Variants in HEG1 observed in about 807,000 individuals in gnomAD.
HEG1 encodes heart development protein with EGF like domains 1.
In HEG1, 56 loss-of-function variants were observed where a neutral mutation model predicts 125.6. The ratio of observed to expected loss-of-function variants is 0.45; its 90% CI spans 0.36 to 0.56. The LOEUF is 0.56. HEG1 is among the 20% of genes least tolerant of loss of function. HEG1 has a pLI of 0.00. For missense variants in HEG1, 1,523 were observed against 1,670.0 expected (o/e 0.91, Z 1.53); for synonymous variants, 644 against 668.5 (o/e 0.96, Z 0.57).
At chr3:124,992,091 T>C (rs1348244433) in intron 12 of HEG1, among the ~76,000 whole-genome samples, 1 of 152,182 alleles carries the variant, frequency 6.6e-6, no homozygotes, top group Non-Finnish European at 1.5e-5. Context: ...GGGGGAGCTG[T>C]AGGTGACATC....
At position 125,013,852 on chromosome 3, in the gene HEG1, G is replaced by A. The variant is rs772407724; in HGVS notation, c.1727C>T (p.Ser576Leu). Residue 576 changes from serine to leucine, a missense_variant, in exon 6 of 17, where the codon TCA becomes TTA. Physicochemically the swap from Ser to Leu is moderately radical, Grantham distance 145. Coordinates refer to ENST00000311127, the MANE Select transcript of HEG1 (RefSeq NM_020733.2). ...RALLSITDNS[S>L]SSDIVESSTS... ...TGAGCTCTCCACAATGTCTGAGGAT[G>A]AACTGTTATCTGTAATGGACAGTAA... 1.9e-6 allele frequency: 3 copies of A among 1,613,778 alleles called. No individual in the cohort carries two copies. In the East Asian group the frequency reaches 6.7e-5, roughly 36 times the overall value.
At chr3:125,040,290 T>G (rs1355621590) in intron 1 of HEG1, among the ~76,000 whole-genome samples, 1 of 151,890 alleles carries the variant, frequency 6.6e-6, no homozygotes, top group Admixed American at 6.6e-5. Context: ...CGGGAAAACT[T>G]GAATGTAGAG....
chr3:125,023,238 C>CAACCA (rs1937362473), intron 3 of HEG1, among the ~76,000 whole-genome samples: 1 of 151,588 alleles, frequency 6.6e-6, no homozygotes, highest in Admixed American at 6.6e-5. Flanking sequence ...ACAAACAAAC[C>CAACCA]AAAAAAACTC....
At chr3:125,054,198 T>G (rs1169602489) in intron 1 of HEG1, among the ~76,000 whole-genome samples, 2 of 152,246 alleles carry the variant, frequency 1.3e-5, no homozygotes, top group African/African-American at 4.8e-5. Flanking sequence ...CCGTGGAAGT[T>G]AGCAAAACAG....
intron 9 of HEG1, among the ~76,000 whole-genome samples, chr3:125,003,899 G>A (rs149132708): frequency 7.0e-4 from 107 of 152,322 alleles, no homozygotes; most frequent in African/African-American, 2.5e-3. Context: ...GTAATAAACC[G>A]TAGCTGTTAA....
chr3:124,984,929 C>CTA (rs1936714389), intron 14 of HEG1, among the ~76,000 whole-genome samples: 1 of 152,092 alleles, frequency 6.6e-6, no homozygotes. Flanking sequence ...TTTCACAGGA[C>CTA]TATCAAACGT....
chr3:125,012,689 T>G lies in HEG1; in HGVS notation c.2890A>C (p.Lys964Gln). ...VVSTAEDLAP[K>Q]SATFAVQSST... ...CTCTGAACAGCAAAGGTGGCAGATT[T>G]GGGAGCCAAGTCTTCAGCCGTGGAA... Residue 964 changes from lysine to glutamine, a missense_variant, in exon 6 of 17, where the codon AAA (lysine) becomes CAA (glutamine). Lys to Gln is a moderately conservative substitution (Grantham distance 53). Transcript: ENST00000311127. 1 of 1,613,898 alleles carries G rather than the reference T, an allele frequency of 6.2e-7. No individual in the cohort carries two copies. The highest frequency in any genetic ancestry group is 8.5e-7 in the Non-Finnish European group (1 of 1,179,868).
Position 125,042,223 on chromosome 3 carries a change from T to A in HEG1, c.317-12735A>T, listed in dbSNP as rs890059058. Among the ~76,000 whole-genome samples the A allele has an allele frequency of 7.2e-5, 11 of 151,938 alleles. No individual in the cohort carries two copies. In the South Asian group the frequency reaches 2.3e-3, roughly 32 times the overall value. On this transcript the variant is annotated intron_variant, in intron 1 of 16. Coordinates refer to ENST00000311127, the MANE Select transcript of HEG1 (RefSeq NM_020733.2). The stretch of plus-strand genomic sequence containing the variant: ...CGGGTGGATCACTTGAGGTTAGGAG[T>A]TCGAGACCAGCCTGGCCAACATGGC...
chr3:125,009,633 A>C, intron 8 of HEG1, 72 bp downstream of exon 8: 1 of 1,459,504 alleles, frequency 6.9e-7, no homozygotes, highest in South Asian at 1.4e-5. Flanking sequence ...GTTAGCAAGA[A>C]AAATAACAAA....
At chr3:125,015,150 G>T in intron 5 of HEG1, 1 of 470,160 alleles carries the variant, frequency 2.1e-6, no homozygotes, top group Non-Finnish European at 3.3e-6. Flanking sequence ...GATGTCTGTT[G>T]CCCTTGCAAA....
At chr3:125,008,863 A>G (rs1156465963) in intron 8 of HEG1, among the ~76,000 whole-genome samples, 1 of 152,252 alleles carries the variant, frequency 6.6e-6, no homozygotes, top group Non-Finnish European at 1.5e-5. Flanking sequence ...AACTTCTTCA[A>G]CAAGTTATGT....
chr3:124,985,093 C>T (rs1936716898), intron 14 of HEG1, among the ~76,000 whole-genome samples: 2 of 152,328 alleles, frequency 1.3e-5, no homozygotes, highest in Admixed American at 6.5e-5. Flanking sequence ...GTTTCTCTAA[C>T]TTTAATATGC....
chr3:125,010,944 G>A (rs868565945), intron 6 of HEG1, among the ~76,000 whole-genome samples: 3 of 152,178 alleles, frequency 2.0e-5, no homozygotes, highest in East Asian at 3.8e-4. Flanking sequence ...TCATTCCCCC[G>A]CTAGAAGATT....
intron 1 of HEG1, among the ~76,000 whole-genome samples, chr3:125,032,892 C>T (rs2107708857): frequency 6.6e-6 from 1 of 152,250 alleles, no homozygotes; most frequent in East Asian, 1.9e-4. Flanking sequence ...GCTTTGTTCC[C>T]TTCCTCTCCA....
intron 6 of HEG1, 23 bp downstream of exon 6, chr3:125,012,600 G>A: frequency 6.2e-7 from 1 of 1,601,038 alleles, no homozygotes. Flanking sequence ...CAGTTAACAT[G>A]TGCTTGTGTG....
intron 1 of HEG1, among the ~76,000 whole-genome samples, chr3:125,030,469 CAATT>C (rs759654527): frequency 2.0e-5 from 3 of 152,172 alleles, no homozygotes; most frequent in Non-Finnish European, 4.4e-5. Flanking sequence ...AGCAGGTTAT[CAATT>C]AAATCAGTTA....
At chr3:124,980,221 C>T (rs1936623142) in intron 14 of HEG1, among the ~76,000 whole-genome samples, 1 of 152,230 alleles carries the variant, frequency 6.6e-6, no homozygotes, top group Non-Finnish European at 1.5e-5. Flanking sequence ...TGTGCCCAGT[C>T]TTGTCCACTC....
chr3:124,976,416 G>C (rs901642056), intron 15 of HEG1, among the ~76,000 whole-genome samples: 4 of 151,888 alleles, frequency 2.6e-5, no homozygotes, highest in African/African-American at 4.8e-5. Context: ...TTGAACTCCT[G>C]ATCTGAAGTG....
chr3:124,994,859 T>C (rs1480996044), intron 12 of HEG1, among the ~76,000 whole-genome samples: 1 of 152,254 alleles, frequency 6.6e-6, no homozygotes, highest in Non-Finnish European at 1.5e-5. Flanking sequence ...TATCTAGCCA[T>C]GTCAATCTTT....
Sources: gnomAD v4.1 joint callset for allele counts (sites outside exome capture counted in the v4.1 genomes callset) on GRCh38, gnomAD v4.1.1 for gene constraint, MANE v1.5 for transcripts, NCBI Gene and HGNC (gene_info 2026-07-23, HGNC 2026-07-21) for gene names.